The following STK39 variants were observed in gnomAD, a reference collection of about 807,000 sequenced individuals.
The protein encoded by STK39 is STE20/SPS1-related proline-alanine-rich protein kinase.
Under a neutral mutation model 77.8 loss-of-function variants are expected in STK39, and 20 were observed. The ratio of observed to expected loss-of-function variants is 0.26; its 90% confidence interval spans 0.18 to 0.37. The LOEUF is 0.37. STK39 is among the 10% of genes least tolerant of loss of function. STK39 has a pLI of 1.00. For missense variants in STK39, 479 were observed against 656.5 expected (o/e 0.73, Z 2.95); for synonymous variants, 246 against 234.1 (o/e 1.05, Z -0.47).
At chr2:168,084,185 G>C (rs912493198) in intron 10 of STK39, among the ~76,000 whole-genome samples, 1 of 152,162 alleles carries the variant, frequency 6.6e-6, no homozygotes, top group Non-Finnish European at 1.5e-5. Context: ...TGGGCATGGT[G>C]GGGGGAAGGG....
Position 168,227,518 on chromosome 2 carries a change from T to C in STK39, c.208+19710A>G, listed in dbSNP as rs576577607. The stretch of plus-strand genomic sequence containing the variant: ...AAAGATACCACATATTTAATTCATC[T>C]AGAAAATCCTCATGCTGCCAGCTCT... On this transcript the variant is annotated intron_variant, in intron 1 of 17. Coordinates refer to ENST00000355999, the MANE Select transcript of STK39 (RefSeq NM_013233.3). Among the ~76,000 whole-genome samples the C allele has an allele frequency of 2.7e-4, 41 of 152,300 alleles. No homozygotes were observed. The South Asian group carries it at 8.5e-3, about 32-fold the overall frequency.
At chr2:168,179,780 G>A (rs1226146377) in intron 2 of STK39, among the ~76,000 whole-genome samples, 1 of 152,132 alleles carries the variant, frequency 6.6e-6, no homozygotes, top group African/African-American at 2.4e-5. Context: ...ACAAAGGAAA[G>A]AAACCAGAAT....
At chr2:168,102,658 G>A (rs960077472) in intron 10 of STK39, among the ~76,000 whole-genome samples, 15 of 152,044 alleles carry the variant, frequency 9.9e-5, no homozygotes, top group African/African-American at 3.1e-4. Context: ...AGCCAGGTGC[G>A]GTGGCTCACG....
chr2:168,177,218 T>A (rs1356162848), intron 2 of STK39, among the ~76,000 whole-genome samples: 1 of 152,218 alleles, frequency 6.6e-6, no homozygotes, highest in Non-Finnish European at 1.5e-5. Flanking sequence ...CATAATTTCA[T>A]AACGTAATCA....
intron 5 of STK39, among the ~76,000 whole-genome samples, chr2:168,151,457 C>G (rs1688279945): frequency 6.6e-6 from 1 of 152,090 alleles, no homozygotes; most frequent in Admixed American, 6.6e-5. Flanking sequence ...AAAATTCAGG[C>G]CAGGGACGGT....
At chr2:168,025,079 C>T (rs556745931) in intron 14 of STK39, among the ~76,000 whole-genome samples, 1 of 152,088 alleles carries the variant, frequency 6.6e-6, no homozygotes, top group Non-Finnish European at 1.5e-5. Context: ...TCCTCCAGTC[C>T]CCCAGCTGCC....
rs200060679 is a variant in STK39, at chr2:167,954,296, T to G, written c.*1200A>C. On this transcript the variant is annotated 3_prime_UTR_variant, in exon 18 of 18. Transcript: ENST00000355999. ...AGCCCACCTCCTTGAAAGATTAGACTCCAATTTTCAAAATCCTAAGGTTTA... is the reference window on the plus strand; with the variant it reads ...AGCCCACCTCCTTGAAAGATTAGACGCCAATTTTCAAAATCCTAAGGTTTA... 5.2e-5 allele frequency: 8 copies of G among 152,640 alleles called. No homozygotes were observed. Among genetic ancestry groups the G allele is most frequent in the Admixed American group, 6.5e-5 (1 of 15,294 alleles). The allele number at this position is 152,640 out of a possible 1,614,324, so 9.5% of individuals were successfully genotyped here.
At chr2:168,169,559 T>C (rs2105602053) in intron 2 of STK39, among the ~76,000 whole-genome samples, 1 of 152,224 alleles carries the variant, frequency 6.6e-6, no homozygotes, top group East Asian at 1.9e-4. Context: ...AACACACTTT[T>C]TAGCCCTTTG....
intron 16 of STK39, among the ~76,000 whole-genome samples, chr2:167,977,695 G>T (rs1054608932): frequency 2.6e-5 from 4 of 152,114 alleles, no homozygotes; most frequent in African/African-American, 9.7e-5. Flanking sequence ...TTCAGTCTTG[G>T]AACCCTCTGA....
At chr2:168,062,472 T>A (rs147754862) in intron 14 of STK39, among the ~76,000 whole-genome samples, 3 of 152,214 alleles carry the variant, frequency 2.0e-5, no homozygotes, top group Non-Finnish European at 2.9e-5. Context: ...TAACTCTGAA[T>A]TGAATCATAC....
intron 10 of STK39, among the ~76,000 whole-genome samples, chr2:168,088,007 C>T (rs904867628): frequency 7.2e-5 from 11 of 152,094 alleles, no homozygotes; most frequent in Admixed American, 2.6e-4. Context: ...ATCGACACCA[C>T]CCCCTTGGAA....
chr2:167,995,329 C>T (rs905065433), intron 16 of STK39, among the ~76,000 whole-genome samples: 2 of 152,010 alleles, frequency 1.3e-5, no homozygotes, highest in African/African-American at 4.8e-5. Context: ...AGGATGGTCT[C>T]GATCTCTTGA....
intron 16 of STK39, among the ~76,000 whole-genome samples, chr2:167,976,263 C>A (rs1195536016): frequency 1.3e-5 from 2 of 152,152 alleles, no homozygotes. Context: ...TGAGAAAAAA[C>A]AGTAGTTAGA....
intron 6 of STK39, 83 bp downstream of exon 6, chr2:168,140,566 A>G (rs1559116637): frequency 4.0e-6 from 5 of 1,246,826 alleles, no homozygotes; most frequent in East Asian, 4.7e-5. Flanking sequence ...CTAAAATGCT[A>G]GATACAAATG....
At chr2:168,174,809 C>A (rs1233975854) in intron 2 of STK39, among the ~76,000 whole-genome samples, 10 of 132,858 alleles carry the variant, frequency 7.5e-5, no homozygotes, top group Non-Finnish European at 9.3e-5. Context: ...GCAGCCTGGG[C>A]AACATAGCAA....
chr2:167,982,265 T>C (rs1489058786), intron 16 of STK39, among the ~76,000 whole-genome samples: 1 of 152,206 alleles, frequency 6.6e-6, no homozygotes, highest in African/African-American at 2.4e-5. Context: ...AATGAGCTTT[T>C]AAAAAGTGCA....
At chr2:168,185,487 C>T (rs1445123826) in intron 1 of STK39, among the ~76,000 whole-genome samples, 3 of 152,168 alleles carry the variant, frequency 2.0e-5, no homozygotes, top group African/African-American at 7.2e-5. Context: ...CAGATTTTTC[C>T]TTTAGTTGAC....
At chr2:168,215,474 C>T (rs1359412835) in intron 1 of STK39, among the ~76,000 whole-genome samples, 1 of 152,206 alleles carries the variant, frequency 6.6e-6, no homozygotes, top group East Asian at 1.9e-4. Context: ...TAAATAAGTT[C>T]ATGAAGCTCT....
At chr2:167,976,791 C>T (rs1683287247) in intron 16 of STK39, among the ~76,000 whole-genome samples, 2 of 152,160 alleles carry the variant, frequency 1.3e-5, no homozygotes, top group Admixed American at 1.3e-4. Context: ...TTGAAAAACC[C>T]CTAGCCTACA....
Sources: gnomAD v4.1 joint callset for allele counts (sites outside exome capture counted in the v4.1 genomes callset) on GRCh38, gnomAD v4.1.1 for gene constraint, MANE v1.5 for transcripts, NCBI Gene and HGNC (gene_info 2026-07-23, HGNC 2026-07-21) for gene names.